Variants in AGBL1 observed in about 807,000 individuals in gnomAD.
AGBL1 encodes the protein cytosolic carboxypeptidase 4.
In AGBL1, 130 loss-of-function variants were observed where a neutral mutation model predicts 118.9. The observed-to-expected ratio is 1.09, with a 90% CI of 0.95 to 1.26. The LOEUF is 1.26. Among genes scored for constraint, AGBL1 ranks in the 50% most tolerant of loss-of-function variants. AGBL1 has a pLI of 0.00. For missense variants in AGBL1, 1,584 were observed against 1,298.1 expected (o/e 1.22, Z -3.38); for synonymous variants, 555 against 478.9 (o/e 1.16, Z -2.08).
intron 1 of AGBL1, among the ~76,000 whole-genome samples, chr15:86,081,798 G>C (rs1267293516): frequency 6.6e-6 from 1 of 152,184 alleles, no homozygotes; most frequent in African/African-American, 2.4e-5. Context: ...AAGAGGGAAA[G>C]TAATAAGTTG....
At chr15:86,730,637 T>C (rs1033026391) in intron 22 of AGBL1, among the ~76,000 whole-genome samples, 22 of 152,172 alleles carry the variant, frequency 1.4e-4, no homozygotes, top group African/African-American at 5.1e-4. Context: ...TGTGTCCCCA[T>C]GTTTCTGGAC....
At chr15:86,134,698 C>G (rs190620132) in intron 1 of AGBL1, among the ~76,000 whole-genome samples, 1,905 of 144,622 alleles carry the variant, frequency 0.013, 24 homozygotes, top group East Asian at 0.063. Flanking sequence ...ACTGTAACGT[C>G]TGCCACCCAG....
At chr15:86,417,336 C>T (rs1244102278) in intron 18 of AGBL1, among the ~76,000 whole-genome samples, 1 of 152,144 alleles carries the variant, frequency 6.6e-6, no homozygotes, top group African/African-American at 2.4e-5. Flanking sequence ...ATATGTTTTC[C>T]TTTCTCCACA....
At chr15:86,799,685 G>A (rs2078622740) in intron 22 of AGBL1, among the ~76,000 whole-genome samples, 1 of 151,730 alleles carries the variant, frequency 6.6e-6, no homozygotes, top group Admixed American at 6.6e-5. Flanking sequence ...CTATTTTTTT[G>A]TTGACTTTGG....
chr15:86,245,529 G>T (rs553802978), intron 6 of AGBL1, among the ~76,000 whole-genome samples: 1 of 152,158 alleles, frequency 6.6e-6, no homozygotes, highest in African/African-American at 2.4e-5. Flanking sequence ...GATCTGAACC[G>T]GTACATGCTT....
intron 22 of AGBL1, among the ~76,000 whole-genome samples, chr15:86,785,384 T>G (rs928984001): frequency 1.3e-4 from 19 of 148,932 alleles, no homozygotes; most frequent in African/African-American, 3.7e-4. Flanking sequence ...TTTTTGTTTT[T>G]GTTTTTTTGA....
intron 22 of AGBL1, among the ~76,000 whole-genome samples, chr15:86,686,128 A>G (rs1422248225): frequency 1.3e-5 from 2 of 152,120 alleles, no homozygotes; most frequent in South Asian, 2.1e-4. Flanking sequence ...TCTCCTCCCC[A>G]CTCTCAGCAA....
chr15:86,747,431 G>A (rs2077773398), intron 22 of AGBL1, among the ~76,000 whole-genome samples: 1 of 151,978 alleles, frequency 6.6e-6, no homozygotes, highest in South Asian at 2.1e-4. Context: ...GTCTAAGTAT[G>A]AAAGTCTAAA....
intron 24 of AGBL1, among the ~76,000 whole-genome samples, chr15:86,994,821 T>C (rs528678634): frequency 1.3e-5 from 2 of 152,352 alleles, no homozygotes; most frequent in South Asian, 2.1e-4. Context: ...ATAAAGTATA[T>C]GTAAGATTTA....
At chr15:86,600,132 A>T (rs2084471137) in intron 21 of AGBL1, among the ~76,000 whole-genome samples, 1 of 152,136 alleles carries the variant, frequency 6.6e-6, no homozygotes, top group East Asian at 1.9e-4. Flanking sequence ...GAATGTGCCC[A>T]GTTCTGGGCA....
intron 21 of AGBL1, among the ~76,000 whole-genome samples, chr15:86,554,875 T>G (rs1464461819): frequency 6.6e-6 from 1 of 152,314 alleles, no homozygotes; most frequent in East Asian, 1.9e-4. Flanking sequence ...TCTTGCCTTC[T>G]GCAACAAGTG....
chr15:86,137,279 G>A (rs956730240), intron 1 of AGBL1, among the ~76,000 whole-genome samples: 1 of 152,184 alleles, frequency 6.6e-6, no homozygotes, highest in African/African-American at 2.4e-5. Context: ...CTGTCTCTTA[G>A]TTTCCATGGG....
intron 16 of AGBL1, among the ~76,000 whole-genome samples, chr15:86,288,632 A>G (rs534690873): frequency 2.6e-5 from 4 of 152,266 alleles, no homozygotes; most frequent in South Asian, 4.1e-4. Flanking sequence ...TAATAGCTCT[A>G]TGTATGATCA....
intron 16 of AGBL1, among the ~76,000 whole-genome samples, chr15:86,293,675 C>A (rs1048514149): frequency 2.0e-5 from 3 of 152,212 alleles, no homozygotes; most frequent in African/African-American, 7.2e-5. Context: ...CACTATTCTT[C>A]TTACCATATC....
At chr15:87,027,668 G>A (rs1398624348) in intron 24 of AGBL1, among the ~76,000 whole-genome samples, 1 of 151,994 alleles carries the variant, frequency 6.6e-6, no homozygotes, top group Non-Finnish European at 1.5e-5. Context: ...GAAAGAAAAT[G>A]TGGTACATAT....
At chr15:86,620,443 A>C (rs1047089056) in intron 21 of AGBL1, among the ~76,000 whole-genome samples, 2 of 151,796 alleles carry the variant, frequency 1.3e-5, no homozygotes, top group Non-Finnish European at 2.9e-5. Context: ...GCACCCCATC[A>C]CTCCCACTTA....
intron 24 of AGBL1, among the ~76,000 whole-genome samples, chr15:86,989,342 G>C (rs1404332855): frequency 2.0e-5 from 3 of 152,058 alleles, no homozygotes; most frequent in Non-Finnish European, 4.4e-5. Context: ...AGCTTTTACT[G>C]TAAAGTCTGA....
At chr15:86,971,016 A>G (rs1308573309) in intron 23 of AGBL1, among the ~76,000 whole-genome samples, 1 of 151,950 alleles carries the variant, frequency 6.6e-6, no homozygotes, top group African/African-American at 2.4e-5. Flanking sequence ...TGATATGCAA[A>G]TAGTACACCA....
intron 1 of AGBL1, among the ~76,000 whole-genome samples, chr15:86,105,667 G>T (rs1463089818): frequency 6.6e-6 from 1 of 152,138 alleles, no homozygotes; most frequent in Non-Finnish European, 1.5e-5. Flanking sequence ...CGGGTCACAG[G>T]GCAGGGCCAA....
Sources: gnomAD v4.1 joint callset for allele counts (sites outside exome capture counted in the v4.1 genomes callset) on GRCh38, gnomAD v4.1.1 for gene constraint, MANE v1.5 for transcripts, NCBI Gene and HGNC (gene_info 2026-07-23, HGNC 2026-07-21) for gene names.